The following APOL2 variants were observed in gnomAD, a reference collection of about 807,000 sequenced individuals.
APOL2 encodes the protein apolipoprotein L, 2.
APOL2 carries 8 observed loss-of-function variants against 7.1 expected under a neutral mutation model. The observed-to-expected ratio is 1.12, with a 90% CI of 0.66 to 2.03. The LOEUF is 2.03. APOL2 is among the 30% of genes most tolerant of loss of function. The probability of loss-of-function intolerance (pLI) is 0.00; values close to 1 mark genes in which losing one functional copy is unlikely to be tolerated. For missense variants in APOL2, 471 were observed against 415.1 expected (o/e 1.13, Z -1.17); for synonymous variants, 177 against 159.9 (o/e 1.11, Z -0.81).
At chr22:36,230,697 C>T (rs1360995282) in intron 4 of APOL2, among the ~76,000 whole-genome samples, 2 of 152,128 alleles carry the variant, frequency 1.3e-5, no homozygotes, top group Admixed American at 1.3e-4. Flanking sequence ...ATTGCTATTC[C>T]TATTGGACAG....
At chr22:36,229,774 A>G (rs931611865) in intron 4 of APOL2, among the ~76,000 whole-genome samples, 5 of 152,222 alleles carry the variant, frequency 3.3e-5, no homozygotes, top group African/African-American at 4.8e-5. Flanking sequence ...AAACAAAAAC[A>G]AAACCTCAGA....
intron 1 of APOL2, chr22:36,236,955 C>T (rs1009511394): frequency 2.2e-6 from 3 of 1,352,570 alleles, no homozygotes; most frequent in Non-Finnish European, 1.9e-6. Flanking sequence ...TCTGTGACAC[C>T]CTAGGCCAGG....
At chr22:36,231,597 A>G (rs2015228064) in intron 3 of APOL2, 131 bp from the exon 4 acceptor site, 5 of 1,112,604 alleles carry the variant, frequency 4.5e-6, no homozygotes, top group Admixed American at 4.3e-5. Flanking sequence ...TGGAGTCATC[A>G]GTGCTATAGA....
chr22:36,234,343 A>G (rs1237398775), intron 1 of APOL2: 2 of 152,174 alleles, frequency 1.3e-5, no homozygotes, highest in Non-Finnish European at 2.9e-5. Context: ...TTTCTTCAGG[A>G]AAACAAAACA....
upstream of APOL2, chr22:36,239,613 C>T (rs2015535107): frequency 7.7e-6 from 8 of 1,042,200 alleles, no homozygotes; most frequent in Non-Finnish European, 1.1e-5. Flanking sequence ...AGCTCATGAC[C>T]AAGCACAGTA....
chr22:36,227,944 T>C lies in APOL2; in HGVS notation c.474A>G (p.Ala158=), dbSNP rs376581676. 3 of 1,614,234 alleles carry C rather than the reference T, an allele frequency of 1.9e-6. No homozygotes were observed. The highest frequency in any genetic ancestry group is 1.7e-6 in the Non-Finnish European group (2 of 1,180,046). ...LLDTGMGLGA[A]AAVAGITCSV... ...TGCAGGTAATCCCAGCCACAGCAGCTGCTGCTCCCAGACCCATGCCAGTGT... is the reference window on the plus strand; with the variant it reads ...TGCAGGTAATCCCAGCCACAGCAGCCGCTGCTCCCAGACCCATGCCAGTGT... Residue 158 remains alanine (A), a synonymous_variant, in exon 5 of 5, where the codon GCA becomes GCG. Coordinates refer to ENST00000358502, the MANE Select transcript of APOL2 (RefSeq NM_030882.4).
chr22:36,236,580 A>C, intron 1 of APOL2: 1 of 985,352 alleles, frequency 1.0e-6, no homozygotes, highest in Non-Finnish European at 1.2e-6. Context: ...CAAAATCACC[A>C]TTGTTCTTTT....
chr22:36,236,016 T>C (rs1396867713), intron 1 of APOL2, among the ~76,000 whole-genome samples: 7 of 151,176 alleles, frequency 4.6e-5, no homozygotes, highest in Non-Finnish European at 8.8e-5. Context: ...TGAGAGAAAC[T>C]GAGGAAATGA....
rs911622960 is a variant in APOL2 at position 36,227,097 on chromosome 22, C to T, written c.*307G>A. On this transcript the variant is annotated 3_prime_UTR_variant, in exon 5 of 5. Coordinates refer to ENST00000358502, the MANE Select transcript of APOL2 (RefSeq NM_030882.4). ...TTGGGAGGCCGAGGTGGGCAGATCA[C>T]GAGGTCAGGAGATGGAGACCATCGT... The T allele has an allele frequency of 6.3e-5, 15 of 236,268 alleles. No individual in the cohort carries two copies. Among genetic ancestry groups the T allele is most frequent in the African/African-American group, 2.7e-4 (12 of 43,784 alleles). 14.6% of individuals were successfully genotyped at this position (236,268 alleles called of 1,614,324 possible).
intron 1 of APOL2, among the ~76,000 whole-genome samples, chr22:36,234,800 T>C (rs1020878447): frequency 6.6e-6 from 1 of 152,132 alleles, no homozygotes; most frequent in Non-Finnish European, 1.5e-5. Context: ...ACCTAGGAAG[T>C]GTGTACCATT....
At position 36,229,981 on chromosome 22, in the gene APOL2, G is replaced by A. The variant is rs112062946; in HGVS notation, c.137+1359C>T. On this transcript the variant is annotated intron_variant, in intron 4 of 4. Transcript: ENST00000358502. ...ACCACCTGCACCCCCAACCTTCCAG[G>A]TCTCACTCGCAGGTGTCACCAGCCT... Among the ~76,000 whole-genome samples the A allele has an allele frequency of 4.5e-3, 680 of 152,260 alleles. 3 individuals are homozygous for A. Among genetic ancestry groups the A allele is most frequent in the African/African-American group, 0.015 (641 of 41,548 alleles).
chr22:36,231,626 A>G (rs2015229173), intron 3 of APOL2, among the ~76,000 whole-genome samples, 160 bp from the exon 4 acceptor site: 1 of 152,170 alleles, frequency 6.6e-6, no homozygotes, highest in Non-Finnish European at 1.5e-5. Context: ...GTGCCCCCAA[A>G]ATTCATATGC....
Position 36,228,202 on chromosome 22 carries a change from A to T in APOL2, c.216T>A (p.Asp72Glu). 6.2e-7 allele frequency: 1 copy of T among 1,614,206 alleles called. No homozygotes were observed. The highest frequency in any genetic ancestry group is 1.1e-5 in the South Asian group (1 of 91,082). Residue 72 changes from aspartate (D) to glutamate (E), a missense_variant, in exon 5 of 5, where the codon GAT becomes GAA. Physicochemically the swap from Asp to Glu is conservative, Grantham distance 45 (BLOSUM62 2). Transcript: ENST00000358502. ...HMVMKDKNRH[D>E]KDQQHRQWFL... ...ACCACTGCCTGTGCTGCTGGTCTTT[A>T]TCGTGGCGGTTTTTGTCCTTCATGA...
At position 36,239,433 on chromosome 22, in the gene APOL2, C is replaced by T. The variant is rs1212570432; in HGVS notation, c.-134+8G>A. On this transcript the variant is annotated splice_region_variant and intron_variant, in intron 1 of 4. Transcript: ENST00000358502. Reference sequence around the variant, plus strand: ...ACATGGGGGTAGATCACACTATCCCCAACTTACCAAGGGATCTTCCTCTGA... The same window carrying T: ...ACATGGGGGTAGATCACACTATCCCTAACTTACCAAGGGATCTTCCTCTGA... The T allele has an allele frequency of 1.3e-6, 2 of 1,544,936 alleles. No homozygotes were observed. The highest frequency in any genetic ancestry group is 1.9e-5 in the Admixed American group (1 of 51,876).
Position 36,233,143 on chromosome 22 carries a change from G to A in APOL2, c.10+10C>T. 3 of 1,613,892 alleles carry A rather than the reference G, an allele frequency of 1.9e-6. No homozygotes were observed. The highest frequency in any genetic ancestry group is 1.1e-5 in the South Asian group (1 of 91,078). ...GTAGGAACTAGCCAGGAAAGAGGAA[G>A]CGAGCCTACCTGGGTTCATGGTGCC... On this transcript the variant is annotated intron_variant, in intron 3 of 4. Transcript: ENST00000358502.
chr22:36,237,935 C>T (rs865904895), intron 1 of APOL2, among the ~76,000 whole-genome samples: 1 of 152,164 alleles, frequency 6.6e-6, no homozygotes, highest in Non-Finnish European at 1.5e-5. Flanking sequence ...GCTCCCTCGC[C>T]CTGGAATGTC....
At chr22:36,236,934 G>T in intron 1 of APOL2, 6 of 1,321,332 alleles carry the variant, frequency 4.5e-6, no homozygotes, top group Non-Finnish European at 4.8e-6. Flanking sequence ...CCTTCTTCCT[G>T]CTTTGTTCAC....
intron 1 of APOL2, chr22:36,237,186 C>A (rs2146983448): frequency 2.0e-6 from 3 of 1,488,032 alleles, no homozygotes; most frequent in South Asian, 2.7e-5. Flanking sequence ...TCAGGCTTGA[C>A]TAGGACACAG....
rs761743268 is a variant in APOL2, at chr22:36,227,361, C to T, written c.*43G>A. 27 of 1,516,600 alleles carry T rather than the reference C, an allele frequency of 1.8e-5. No homozygotes were observed. Among genetic ancestry groups the T allele is most frequent in the South Asian group, 2.6e-5 (2 of 77,166 alleles). The allele number at this position is 1,516,600 out of a possible 1,614,324, so 93.9% of individuals were successfully genotyped here. On this transcript the variant is annotated 3_prime_UTR_variant, in exon 5 of 5. Coordinates refer to ENST00000358502, the MANE Select transcript of APOL2 (RefSeq NM_030882.4). ...AAAAAAGTCTGCATTTTGTCCTGGC[C>T]TGTGCCCGGCATTTCTGCCCTGGTG...
Sources: gnomAD v4.1 joint callset for allele counts (sites outside exome capture counted in the v4.1 genomes callset) on GRCh38, gnomAD v4.1.1 for gene constraint, MANE v1.5 for transcripts, NCBI Gene and HGNC (gene_info 2026-07-23, HGNC 2026-07-21) for gene names.